RMST: variants seen among roughly 807,000 people sequenced by gnomAD.
The protein encoded by RMST is rhabdomyosarcoma 2 associated transcript.
At chr12:97,484,671 T>C (rs1279904165) in intron 5 of RMST, among the ~76,000 whole-genome samples, 2 of 152,212 alleles carry the variant, frequency 1.3e-5, no homozygotes, top group Admixed American at 6.5e-5. Flanking sequence ...AATTGGATGA[T>C]GAAGGAATAA....
chr12:97,564,988 T>C (rs1398001660), exon 14 of RMST: 4 of 152,208 alleles, frequency 2.6e-5, no homozygotes, highest in Non-Finnish European at 2.9e-5. Context: ...TTTTTATTGA[T>C]TTTCTGTATT....
At chr12:97,489,385 T>A (rs1332086518) in intron 5 of RMST, among the ~76,000 whole-genome samples, 11 of 151,518 alleles carry the variant, frequency 7.3e-5, no homozygotes, top group Admixed American at 7.2e-4. Context: ...AGATTAAGGC[T>A]GCAGTGAGCT....
At chr12:97,510,954 C>T (rs997835248) in intron 10 of RMST, among the ~76,000 whole-genome samples, 2 of 151,966 alleles carry the variant, frequency 1.3e-5, no homozygotes, top group African/African-American at 2.4e-5. Flanking sequence ...TTTCTCCTCT[C>T]TGGGATCTTT....
At chr12:97,463,061 A>ACTCTCTCTCTCTC (rs1872768668) in intron 3 of RMST, 1 of 83,274 alleles carries the variant, frequency 1.2e-5, no homozygotes, top group Non-Finnish European at 2.7e-5. Context: ...CTCTCTCTGA[A>ACTCTCTCTCTCTC]ACACACACAC....
intron 5 of RMST, among the ~76,000 whole-genome samples, chr12:97,473,432 A>C (rs971710184): frequency 6.6e-6 from 1 of 152,152 alleles, no homozygotes; most frequent in African/African-American, 2.4e-5. Context: ...TCAACTTTGC[A>C]ATAGTCTTCC....
intron 10 of RMST, among the ~76,000 whole-genome samples, chr12:97,529,674 C>T (rs1459825560): frequency 6.6e-6 from 1 of 152,120 alleles, no homozygotes; most frequent in Non-Finnish European, 1.5e-5. Flanking sequence ...CCATGTAGAT[C>T]AAGCCCTTTG....
At chr12:97,551,440 GATAA>G (rs1257658350) in intron 11 of RMST, among the ~76,000 whole-genome samples, 2 of 152,158 alleles carry the variant, frequency 1.3e-5, no homozygotes, top group African/African-American at 2.4e-5. Context: ...TGAGGTGAAG[GATAA>G]ATAGAGAATA....
Position 97,529,582 on chromosome 12 carries a change from T to C in RMST, n.1341-1073T>C, listed in dbSNP as rs968502647. On this transcript the variant is annotated intron_variant and non_coding_transcript_variant, in intron 10 of 13. Coordinates refer to ENST00000640149, the Ensembl canonical transcript of RMST. Reference sequence around the variant, plus strand: ...TGATATAGAATTCTCTTTCAAATTCTGCTGCGCAAACTTTATTTTGTTGAT... The same window carrying C: ...TGATATAGAATTCTCTTTCAAATTCCGCTGCGCAAACTTTATTTTGTTGAT... Among the ~76,000 whole-genome samples the C allele has an allele frequency of 4.6e-5, 3 of 65,420 alleles. No individual in the cohort carries two copies. The East Asian group carries it at 1.1e-3, about 25-fold the overall frequency. The allele number at this position is 65,420 out of a possible 152,430, so 42.9% of individuals were successfully genotyped here.
At chr12:97,476,550 G>A (rs1874571913) in intron 5 of RMST, among the ~76,000 whole-genome samples, 3 of 152,226 alleles carry the variant, frequency 2.0e-5, no homozygotes, top group Admixed American at 2.0e-4. Context: ...ACAGGACAGA[G>A]AGCAAGGTAA....
intron 10 of RMST, among the ~76,000 whole-genome samples, chr12:97,529,957 T>A (rs541197478): frequency 6.6e-6 from 1 of 152,254 alleles, no homozygotes; most frequent in African/African-American, 2.4e-5. Flanking sequence ...CTAATGTTAT[T>A]ATATAAAAAT....
In RMST at chr12:97,554,756, T is replaced by C. The variant is rs1164086510; in HGVS notation, n.1546-5781T>C. Among the ~76,000 whole-genome samples, 4 of 152,196 alleles carry C rather than the reference T, an allele frequency of 2.6e-5. No homozygotes were observed. In the South Asian group the frequency reaches 6.2e-4, roughly 24 times the overall value. ...CTTGATATTATGAAATGTTTTGTTA[T>C]TGGCTGCTTATATTGCTGGTAGTAG... On this transcript the variant is annotated intron_variant and non_coding_transcript_variant, in intron 11 of 13. Transcript: ENST00000640149.
intron 5 of RMST, among the ~76,000 whole-genome samples, chr12:97,488,076 T>C (rs1876319254): frequency 6.6e-6 from 1 of 152,194 alleles, no homozygotes; most frequent in Non-Finnish European, 1.5e-5. Context: ...TGATGATAGC[T>C]ATCCCATTTC....
chr12:97,483,789 T>A (rs1187739805), intron 5 of RMST, among the ~76,000 whole-genome samples: 2 of 152,226 alleles, frequency 1.3e-5, no homozygotes, highest in African/African-American at 4.8e-5. Context: ...CACACTTTTT[T>A]CTGTAAGTAC....
chr12:97,488,014 C>T (rs925337431), intron 5 of RMST, among the ~76,000 whole-genome samples: 28 of 152,288 alleles, frequency 1.8e-4, no homozygotes, highest in South Asian at 6.2e-4. Context: ...GTGAGACTTT[C>T]GGCAGAAGGC....
chr12:97,503,039 G>A (rs1305515273), intron 10 of RMST, among the ~76,000 whole-genome samples: 1 of 152,020 alleles, frequency 6.6e-6, no homozygotes, highest in Non-Finnish European at 1.5e-5. Context: ...TTGTGTCTGG[G>A]CAATAGCTAA....
chr12:97,466,951 C>G (rs1873261683), intron 5 of RMST, among the ~76,000 whole-genome samples: 1 of 151,860 alleles, frequency 6.6e-6, no homozygotes, highest in South Asian at 2.1e-4. Flanking sequence ...TTAGGAGTGT[C>G]TTAAAGGGAA....
chr12:97,463,119 CTCTCTT>C (rs1342791717), intron 3 of RMST: 12 of 152,300 alleles, frequency 7.9e-5, no homozygotes, highest in African/African-American at 2.7e-4. Context: ...AGCGCAAATC[CTCTCTT>C]TCTCTTTCTC....
At chr12:97,498,559 A>G (rs1460457558) in intron 10 of RMST, among the ~76,000 whole-genome samples, 1 of 151,958 alleles carries the variant, frequency 6.6e-6, no homozygotes, top group Non-Finnish European at 1.5e-5. Context: ...ATGTATACAC[A>G]TATCTTCTAT....
rs549004776 is a variant in RMST, at chr12:97,500,167, C to T, written n.1340+4111C>T. On this transcript the variant is annotated intron_variant and non_coding_transcript_variant, in intron 10 of 13. Transcript: ENST00000640149. ...CTTCTCCCAGCATTATATCATTCAA[C>T]GCAGAGAGGAGAATTTTCTCCGATG... is the stretch of plus-strand genomic sequence containing the variant. 7.9e-5 allele frequency among the ~76,000 whole-genome samples: 12 copies of T among 152,276 alleles called. 1 individual carries two copies. The South Asian group carries it at 1.0e-3, about 13-fold the overall frequency.
Sources: gnomAD v4.1 joint callset for allele counts (sites outside exome capture counted in the v4.1 genomes callset) on GRCh38, gnomAD v4.1.1 for gene constraint, MANE v1.5 for transcripts, NCBI Gene and HGNC (gene_info 2026-07-23, HGNC 2026-07-21) for gene names.